The following STXBP5L variants were observed in gnomAD, a reference collection of about 807,000 sequenced individuals.
STXBP5L encodes the protein syntaxin binding protein 5L.
In STXBP5L, 65 loss-of-function variants were observed where a neutral mutation model predicts 144.5. That is an observed-to-expected ratio of 0.45 (90% CI 0.37 to 0.55). STXBP5L has a LOEUF of 0.55. Among genes scored for constraint, STXBP5L ranks in the 20% least tolerant of loss-of-function variants. The pLI is 0.00. For synonymous variants in STXBP5L, 505 were observed against 469.6 expected, an observed-to-expected ratio of 1.08 and a Z score of -0.97; for missense variants, 1,298 against 1,405.5, an observed-to-expected ratio of 0.92 and a Z score of 1.22.
chr3:121,308,020 G>A (rs1049448862), intron 19 of STXBP5L, among the ~76,000 whole-genome samples: 27 of 152,170 alleles, frequency 1.8e-4, no homozygotes, highest in Non-Finnish European at 1.9e-4. Context: ...AAGGGAATGG[G>A]ATGACATATT....
At chr3:121,142,592 G>A (rs148902549) in intron 7 of STXBP5L, among the ~76,000 whole-genome samples, 30 of 151,750 alleles carry the variant, frequency 2.0e-4, no homozygotes, top group African/African-American at 7.3e-4. Context: ...GAAATCAATA[G>A]TGGAAGAAAA....
chr3:121,418,450 C>A lies in STXBP5L; in HGVS notation c.3340C>A (p.Arg1114Ser). ...TGGAGGGGTGATGGGAGAGCTGACC[C>A]GTGCACGGATTGCACTTGATGAAAG... The part of the protein sequence containing the change: ...AAGGVMGELT[R>S]ARIALDERGQ... The change falls in exon 26 of 27, where the codon CGT becomes AGT. Residue 1114 changes from arginine (R) to serine (S), a missense_variant. Transcript: ENST00000471454. 6.2e-7 allele frequency: 1 copy of A among 1,614,016 alleles called. No homozygotes were observed.
At chr3:121,178,525 A>G (rs1270363514) in intron 9 of STXBP5L, among the ~76,000 whole-genome samples, 1 of 152,226 alleles carries the variant, frequency 6.6e-6, no homozygotes, top group Non-Finnish European at 1.5e-5. Flanking sequence ...TAATTTAAAA[A>G]ATAAATGATC....
intron 5 of STXBP5L, among the ~76,000 whole-genome samples, chr3:121,077,821 A>T (rs1359719565): frequency 6.6e-6 from 1 of 152,124 alleles, no homozygotes; most frequent in Non-Finnish European, 1.5e-5. Context: ...AGCTAGATAG[A>T]GTGTCGATTG....
At chr3:120,961,753 T>C (rs149805461) in intron 3 of STXBP5L, among the ~76,000 whole-genome samples, 195 of 152,350 alleles carry the variant, frequency 1.3e-3, no homozygotes, top group African/African-American at 4.4e-3. Flanking sequence ...TGTGTCTTTA[T>C]AGTAGTATGA....
At chr3:121,360,039 T>C (rs2045662330) in intron 20 of STXBP5L, among the ~76,000 whole-genome samples, 1 of 145,332 alleles carries the variant, frequency 6.9e-6, no homozygotes, top group Non-Finnish European at 1.5e-5. Context: ...TACTATATAA[T>C]ATAATATATA....
chr3:121,022,276 T>C (rs1336282015), intron 3 of STXBP5L, among the ~76,000 whole-genome samples: 6 of 152,028 alleles, frequency 3.9e-5, no homozygotes, highest in African/African-American at 1.4e-4. Context: ...ATTGAAATTG[T>C]AATTAAAAAG....
chr3:121,239,765 G>A (rs1055808562), intron 13 of STXBP5L, among the ~76,000 whole-genome samples: 1 of 150,270 alleles, frequency 6.7e-6, no homozygotes, highest in Admixed American at 6.6e-5. Flanking sequence ...GCTAGATGAC[G>A]AGTTAGTGGG....
intron 22 of STXBP5L, among the ~76,000 whole-genome samples, chr3:121,392,514 G>T (rs1014401392): frequency 1.4e-4 from 21 of 152,214 alleles, no homozygotes; most frequent in Non-Finnish European, 2.2e-4. Flanking sequence ...GACCAGAGCT[G>T]TTCCTATTCG....
In STXBP5L at chr3:121,045,543, C is replaced by T. The variant is rs372868987; in HGVS notation, c.470+8C>T. On this transcript the variant is annotated splice_region_variant and intron_variant, in intron 5 of 26. Transcript: ENST00000471454. ...TAAATTTAACCGGGAACGGTAAGAA[C>T]CTATGAATTAAACAATTTCTTAATG... 1.1e-5 allele frequency: 17 copies of T among 1,598,556 alleles called. No individual in the cohort carries two copies. The highest frequency in any genetic ancestry group is 1.4e-5 in the Non-Finnish European group (16 of 1,174,914).
chr3:120,997,472 A>G (rs931610548), intron 3 of STXBP5L, among the ~76,000 whole-genome samples: 7 of 152,180 alleles, frequency 4.6e-5, no homozygotes, highest in African/African-American at 1.4e-4. Context: ...TGACTTTTCA[A>G]TAGCCATTCT....
At chr3:121,013,101 T>C (rs1157514681) in intron 3 of STXBP5L, among the ~76,000 whole-genome samples, 3 of 152,056 alleles carry the variant, frequency 2.0e-5, no homozygotes, top group Admixed American at 2.0e-4. Flanking sequence ...CTATCATTGA[T>C]GGGCACCTGG....
chr3:121,082,050 T>G (rs1015284166), intron 5 of STXBP5L, among the ~76,000 whole-genome samples: 1 of 152,242 alleles, frequency 6.6e-6, no homozygotes, highest in Non-Finnish European at 1.5e-5. Context: ...TTGGATATAC[T>G]GATTCTTCCA....
intron 22 of STXBP5L, among the ~76,000 whole-genome samples, chr3:121,398,681 C>A (rs1283646060): frequency 6.6e-6 from 1 of 152,170 alleles, no homozygotes; most frequent in Admixed American, 6.5e-5. Context: ...TGAGTATTTC[C>A]TTTATCCACT....
At chr3:121,221,732 CTCAAA>C (rs949395251) in intron 10 of STXBP5L, among the ~76,000 whole-genome samples, 3 of 151,696 alleles carry the variant, frequency 2.0e-5, no homozygotes, top group African/African-American at 4.8e-5. Flanking sequence ...AAGACTATTA[CTCAAA>C]TCAACTGAAG....
At chr3:121,370,923 T>G (rs1280708098) in intron 20 of STXBP5L, among the ~76,000 whole-genome samples, 1 of 152,204 alleles carries the variant, frequency 6.6e-6, no homozygotes, top group African/African-American at 2.4e-5. Context: ...TTATTGTGAT[T>G]CTTAGCTTTT....
chr3:121,413,125 A>G (rs370495142), intron 23 of STXBP5L, 33 bp from the exon 24 acceptor site: 90 of 1,504,120 alleles, frequency 6.0e-5, no homozygotes, highest in Non-Finnish European at 7.6e-5. Context: ...AACAACCTGC[A>G]TATGATATAT....
chr3:121,250,004 AT>A (rs1379090839), intron 14 of STXBP5L, among the ~76,000 whole-genome samples: 1 of 151,968 alleles, frequency 6.6e-6, no homozygotes, highest in Non-Finnish European at 1.5e-5. Flanking sequence ...ATGGTAGTTG[AT>A]TTTTTAAGTG....
At chr3:120,916,785 C>A (rs1490409923) in intron 2 of STXBP5L, among the ~76,000 whole-genome samples, 1 of 152,038 alleles carries the variant, frequency 6.6e-6, no homozygotes, top group Non-Finnish European at 1.5e-5. Flanking sequence ...CTTCTTTTAT[C>A]TTTCTTTTAT....
Sources: allele counts gnomAD v4.1 joint callset (sites outside exome capture counted in the v4.1 genomes callset), GRCh38; gene constraint gnomAD v4.1.1; transcripts MANE v1.5; gene names NCBI Gene and HGNC (gene_info 2026-07-23, HGNC 2026-07-21).